FGF12: variants seen among roughly 807,000 people sequenced by gnomAD.
FGF12 encodes fibroblast growth factor 12.
Under a neutral mutation model 23.6 loss-of-function variants are expected in FGF12, and 14 were observed. The observed-to-expected ratio is 0.59, with a 90% CI of 0.39 to 0.93. The LOEUF is 0.93. Ranked by LOEUF, FGF12 falls within the 40% of genes least tolerant of loss-of-function variation. The probability of loss-of-function intolerance (pLI) is 0.00; values close to 1 mark genes in which losing one functional copy is unlikely to be tolerated. For synonymous variants in FGF12, 62 were observed against 77.3 expected (o/e 0.80, Z 1.04); for missense variants, 175 against 217.8 (o/e 0.80, Z 1.24).
chr3:192,322,923 C>A (rs1716626480), intron 4 of FGF12, among the ~76,000 whole-genome samples: 1 of 152,060 alleles, frequency 6.6e-6, no homozygotes, highest in African/African-American at 2.4e-5. Context: ...TCTGAGTAGG[C>A]ATTTCTCAGA....
chr3:192,141,854 G>C lies in FGF12; in HGVS notation c.*2155C>G, dbSNP rs1713409073. ...GCTCAAGTCATTTCATGCTAAAAGA[G>C]CCAGTGTCCCATAGTGTTGAAGTTT... On this transcript the variant is annotated 3_prime_UTR_variant, in exon 6 of 6. Transcript: ENST00000445105. 6.6e-6 allele frequency: 1 copy of C among 151,792 alleles called. No individual in the cohort carries two copies. Among genetic ancestry groups the C allele is most frequent in the African/African-American group, 2.4e-5 (1 of 41,368 alleles). The allele number at this position is 151,792 out of a possible 1,614,324, so 9.4% of individuals were successfully genotyped here. A position where few individuals can be genotyped will look rare whatever the true frequency, so the allele number is the denominator to read the frequency against.
chr3:192,261,507 C>A (rs2108617591), intron 4 of FGF12, among the ~76,000 whole-genome samples: 1 of 152,262 alleles, frequency 6.6e-6, no homozygotes, highest in South Asian at 2.1e-4. Flanking sequence ...GGATTAACAC[C>A]TTGGACTCCA....
chr3:192,375,666 CT>C (rs1466486027), intron 2 of FGF12, among the ~76,000 whole-genome samples: 3 of 151,982 alleles, frequency 2.0e-5, no homozygotes, highest in Admixed American at 2.0e-4. Flanking sequence ...TATAACCCCT[CT>C]TTCCCCCCAG....
At chr3:192,411,035 T>A (rs1372889591) in intron 2 of FGF12, among the ~76,000 whole-genome samples, 2 of 152,148 alleles carry the variant, frequency 1.3e-5, no homozygotes, top group Admixed American at 1.3e-4. Flanking sequence ...ATTAAATGTA[T>A]GATTTCCAAG....
chr3:192,452,355 C>T (rs1722549394), intron 2 of FGF12, among the ~76,000 whole-genome samples: 1 of 152,090 alleles, frequency 6.6e-6, no homozygotes, highest in Admixed American at 6.6e-5. Flanking sequence ...AGGACAAACT[C>T]CACTTAGCCA....
chr3:192,408,800 G>A lies in FGF12; in HGVS notation c.14-48262C>T, dbSNP rs946073816. On this transcript the variant is annotated intron_variant, in intron 2 of 5. Coordinates refer to ENST00000445105, the MANE Select transcript of FGF12 (RefSeq NM_004113.6). This position sits in a 1 kb window ranked among gnomAD's most constrained non-coding sequence, Gnocchi z 7.3. ...TTAGAAAACAAGCCACCAACCGCAC[G>A]AGAGAAGGAGAGGAAGGCAGCAATT... 1 of 985,800 alleles carries A rather than the reference G, an allele frequency of 1.0e-6. No individual in the cohort carries two copies. The allele number at this position is 985,800 out of a possible 1,614,324, so 61.1% of individuals were successfully genotyped here.
intron 2 of FGF12, among the ~76,000 whole-genome samples, chr3:192,372,536 T>C (rs936958653): frequency 5.3e-5 from 8 of 152,122 alleles, no homozygotes; most frequent in African/African-American, 1.9e-4. Context: ...TCCTGGTAAA[T>C]TCAGGCACCG....
At chr3:192,374,942 A>AATTCC (rs1455663704) in intron 2 of FGF12, among the ~76,000 whole-genome samples, 1 of 152,184 alleles carries the variant, frequency 6.6e-6, no homozygotes, top group Non-Finnish European at 1.5e-5. Context: ...TCATCTCTTT[A>AATTCC]ATTCCATTCC....
rs182444147 is a variant in FGF12 at position 192,360,087 on chromosome 3, G to A, written c.124+341C>T. ...TATAACTTGTTCATCACTTGGTTCC[G>A]GGATTTAAATACCATCTTGTGTTGG... On this transcript the variant is annotated intron_variant, in intron 3 of 5. Transcript: ENST00000445105. The surrounding 1 kb of genome is among the most constrained non-coding windows in gnomAD (Gnocchi z 4.3). Among the ~76,000 whole-genome samples, 16 of 152,078 alleles carry A rather than the reference G, an allele frequency of 1.1e-4. No homozygotes were observed. The East Asian group carries it at 2.5e-3, about 24-fold the overall frequency.
intron 3 of FGF12, among the ~76,000 whole-genome samples, chr3:192,353,527 AC>A (rs1718324163): frequency 6.6e-6 from 1 of 151,374 alleles, no homozygotes; most frequent in South Asian, 2.1e-4. Context: ...CCGCCACCAC[AC>A]CCGCCTAATT....
chr3:192,413,391 C>T (rs930644122), intron 2 of FGF12, among the ~76,000 whole-genome samples: 6 of 152,134 alleles, frequency 3.9e-5, no homozygotes, highest in Non-Finnish European at 7.4e-5. Flanking sequence ...CTGTTGGACA[C>T]GTTATTCAAC....
At position 192,276,461 on chromosome 3, in the gene FGF12, T is replaced by G. The variant is rs77278813; in HGVS notation, c.228+58900A>C. ...TTTTGGTTACAGCTTATTTTAAAAT[T>G]TATGATTTCTTATAAACTCACAGAT... On this transcript the variant is annotated intron_variant, in intron 4 of 5. Coordinates refer to ENST00000445105, the MANE Select transcript of FGF12 (RefSeq NM_004113.6). Among the ~76,000 whole-genome samples the G allele has an allele frequency of 6.0e-3, 918 of 152,296 alleles. 3 individuals are homozygous for G. The highest frequency in any genetic ancestry group is 8.4e-3 in the Non-Finnish European group (569 of 68,022).
chr3:192,186,491 T>C (rs1260214248), intron 4 of FGF12, among the ~76,000 whole-genome samples: 1 of 152,224 alleles, frequency 6.6e-6, no homozygotes, highest in Non-Finnish European at 1.5e-5. Context: ...CTACTTCCTT[T>C]CTATAGACTC....
At chr3:192,179,632 G>A (rs1235210609) in intron 4 of FGF12, among the ~76,000 whole-genome samples, 17 of 150,458 alleles carry the variant, frequency 1.1e-4, no homozygotes, top group Non-Finnish European at 1.8e-4. Context: ...TGCAACCTCC[G>A]CCTCCCGGGT....
chr3:192,449,652 CG>C (rs1464013528), intron 2 of FGF12, among the ~76,000 whole-genome samples: 16 of 152,170 alleles, frequency 1.1e-4, no homozygotes, highest in Admixed American at 2.6e-4. Context: ...CAGCAGAAAA[CG>C]GTTGCACCCA....
At chr3:192,372,609 G>C (rs544204015) in intron 2 of FGF12, among the ~76,000 whole-genome samples, 1 of 152,196 alleles carries the variant, frequency 6.6e-6, no homozygotes, top group African/African-American at 2.4e-5. Flanking sequence ...CCAATTGTTT[G>C]CTTCTCTCCA....
At chr3:192,438,831 G>A (rs915706631) in intron 2 of FGF12, among the ~76,000 whole-genome samples, 1 of 152,146 alleles carries the variant, frequency 6.6e-6, no homozygotes, top group Non-Finnish European at 1.5e-5. Context: ...CAGGCTCTCT[G>A]GCTTTACAAA....
At chr3:192,619,696 T>C (rs1714899104) in intron 2 of FGF12, among the ~76,000 whole-genome samples, 1 of 152,166 alleles carries the variant, frequency 6.6e-6, no homozygotes, top group Non-Finnish European at 1.5e-5. Context: ...TGTTTGATTT[T>C]CCTATAATGT....
At chr3:192,399,390 C>T (rs965063266) in intron 2 of FGF12, among the ~76,000 whole-genome samples, 5 of 152,266 alleles carry the variant, frequency 3.3e-5, no homozygotes, top group Middle Eastern at 3.4e-3. Flanking sequence ...CCGAATCTTC[C>T]GGCACCTTGA....
Sources: allele counts gnomAD v4.1 joint callset (sites outside exome capture counted in the v4.1 genomes callset), GRCh38; gene constraint gnomAD v4.1.1; non-coding constraint Gnocchi (gnomAD v3.1); transcripts MANE v1.5; gene names NCBI Gene and HGNC (gene_info 2026-07-23, HGNC 2026-07-21).